FRMD8: variants seen among roughly 807,000 people sequenced by gnomAD.
FRMD8 encodes FERM domain containing 8, also known as FERM domain-containing protein 8.
Under a neutral mutation model 54.2 loss-of-function variants are expected in FRMD8, and 37 were observed. The observed-to-expected ratio is 0.68, with a 90% confidence interval of 0.53 to 0.90. The LOEUF is 0.90. FRMD8 is among the 40% of genes least tolerant of loss of function. FRMD8 has a pLI of 0.00. For missense variants in FRMD8, 585 were observed against 653.7 expected (o/e 0.89, Z 1.15); for synonymous variants, 246 against 286.9 (o/e 0.86, Z 1.44).
At chr11:65,390,605 A>AG (rs1565597632) in intron 3 of FRMD8, among the ~76,000 whole-genome samples, 1 of 142,544 alleles carries the variant, frequency 7.0e-6, no homozygotes, top group African/African-American at 2.7e-5. Context: ...TGCTGCTGGG[A>AG]GGTGCCCGCC....
At chr11:65,405,728 A>C (rs564781954) in intron 10 of FRMD8, among the ~76,000 whole-genome samples, 1 of 152,224 alleles carries the variant, frequency 6.6e-6, no homozygotes, top group Admixed American at 6.5e-5. Flanking sequence ...GGCCGGGTGC[A>C]GTGTCTCACA....
intron 3 of FRMD8, 23 bp downstream of exon 3, chr11:65,389,551 C>G: frequency 1.3e-6 from 2 of 1,548,816 alleles, no homozygotes; most frequent in Non-Finnish European, 1.7e-6. Context: ...AGTGAGGAGC[C>G]CAGGCTGGAG....
rs1483570615 is a variant in FRMD8 at position 65,404,349 on chromosome 11, G to A, written c.1072-515G>A. ...TGCCCAGCTGTGCCCGCTGGCACCCGGCTGCTGCATCTTTTCTGTCAGTGT... is the reference window on the plus strand; with the variant it reads ...TGCCCAGCTGTGCCCGCTGGCACCCAGCTGCTGCATCTTTTCTGTCAGTGT... On this transcript the variant is annotated intron_variant, in intron 9 of 10. Coordinates refer to ENST00000317568, the MANE Select transcript of FRMD8 (RefSeq NM_031904.5). This position sits in a 1 kb window ranked among gnomAD's most constrained non-coding sequence, Gnocchi z 4.7. Among the ~76,000 whole-genome samples, 4 of 152,086 alleles carry A rather than the reference G, an allele frequency of 2.6e-5. No individual in the cohort carries two copies. The highest frequency in any genetic ancestry group is 2.1e-4 in the South Asian group (1 of 4,824).
rs1856065437 is a variant in FRMD8 at position 65,400,999 on chromosome 11, T to G, written c.1071+132T>G. 5 of 1,046,322 alleles carry G rather than the reference T, an allele frequency of 4.8e-6. No individual in the cohort carries two copies. The South Asian group carries it at 8.5e-5, about 18-fold the overall frequency. 64.8% of individuals were successfully genotyped at this position (1,046,322 alleles called of 1,614,324 possible). ...CTTGGGCCTGAGGATGAAAGCGGCC[T>G]GGGCACAAGGGGTGCCTTGAGTCCT... On this transcript the variant is annotated intron_variant, in intron 9 of 10. Transcript: ENST00000317568. The surrounding 1 kb of genome is among the most constrained non-coding windows in gnomAD (Gnocchi z 4.3).
At chr11:65,376,362 C>T in the FRMD8 span, 1 of 1,596,754 alleles carries the variant, frequency 6.3e-7, no homozygotes, top group Non-Finnish European at 8.6e-7. Context: ...AAACTGGCCT[C>T]CAGGCCGTGG....
At chr11:65,369,795 G>C in the FRMD8 span, among the ~76,000 whole-genome samples, 2 of 151,768 alleles carry the variant, frequency 1.3e-5, no homozygotes, top group South Asian at 4.2e-4. Flanking sequence ...CACTTTGGGA[G>C]GCCGAGGCGG....
intron 10 of FRMD8, among the ~76,000 whole-genome samples, chr11:65,409,049 G>A (rs563580901): frequency 6.6e-6 from 1 of 152,112 alleles, no homozygotes; most frequent in East Asian, 1.9e-4. Context: ...CCGAGCCAAA[G>A]GGAACTTGTC....
chr11:65,380,588 C>T, the FRMD8 span: 1 of 1,296,470 alleles, frequency 7.7e-7, no homozygotes, highest in South Asian at 1.2e-5. Flanking sequence ...CGCCGGGATC[C>T]AGAGCAGGCC....
Position 65,405,309 on chromosome 11 carries a change from G to A in FRMD8, c.1276+241G>A, listed in dbSNP as rs58835302. The stretch of plus-strand genomic sequence containing the variant: ...TTGTCCAGGATGTGATCCGGGAAAC[G>A]ACTCAACATCTGTTACTGAAGTGTT... On this transcript the variant is annotated intron_variant, in intron 10 of 10. Coordinates refer to ENST00000317568, the MANE Select transcript of FRMD8 (RefSeq NM_031904.5). Among the ~76,000 whole-genome samples, 722 of 152,312 alleles carry A rather than the reference G, an allele frequency of 4.7e-3. 3 individuals carry two copies. The highest frequency in any genetic ancestry group is 0.016 in the African/African-American group (674 of 41,568).
rs758851952 is a variant in FRMD8 at position 65,399,870 on chromosome 11, C to T, written c.927+11C>T. 1.2e-6 allele frequency: 2 copies of T among 1,608,272 alleles called. No individual in the cohort carries two copies. The highest frequency in any genetic ancestry group is 2.7e-5 in the African/African-American group (2 of 74,846). On this transcript the variant is annotated intron_variant, in intron 8 of 10. Coordinates refer to ENST00000317568, the MANE Select transcript of FRMD8 (RefSeq NM_031904.5). ...GATAGCAGAGAGAAGGTACTGCCCC[C>T]AGCTCCTCCAGGGTGGAGAGGATGG...
At chr11:65,394,892 C>G (rs1284864271) in intron 6 of FRMD8, among the ~76,000 whole-genome samples, 1 of 152,240 alleles carries the variant, frequency 6.6e-6, no homozygotes, top group African/African-American at 2.4e-5. Flanking sequence ...TGAGTCTGCC[C>G]TGCCAAAGCC....
chr11:65,400,394 C>T lies in FRMD8; in HGVS notation c.928-330C>T, dbSNP rs1029945080. Among the ~76,000 whole-genome samples the T allele has an allele frequency of 1.3e-5, 2 of 152,142 alleles. No individual in the cohort carries two copies. Among genetic ancestry groups the T allele is most frequent in the African/African-American group, 4.8e-5 (2 of 41,430 alleles). On this transcript the variant is annotated intron_variant, in intron 8 of 10. Coordinates refer to ENST00000317568, the MANE Select transcript of FRMD8 (RefSeq NM_031904.5). The surrounding 1 kb of genome is among the most constrained non-coding windows in gnomAD (Gnocchi z 4.3). The stretch of plus-strand genomic sequence containing the variant: ...GCCATCTGTGTCCTGGGAGGCAGGG[C>T]CCAGCTCAGCCTCATGCTAGATGCC...
At chr11:65,377,735 G>A in the FRMD8 span, 1 of 152,824 alleles carries the variant, frequency 6.5e-6, no homozygotes, top group Non-Finnish European at 1.5e-5. Context: ...TGGGGCTGGA[G>A]TCCTGGTGAG....
At chr11:65,393,912 C>A in intron 4 of FRMD8, 129 bp from the exon 5 acceptor site, 1 of 986,564 alleles carries the variant, frequency 1.0e-6, no homozygotes, top group Non-Finnish European at 1.6e-6. Context: ...CACACTCCAC[C>A]CTCTGCACGG....
At chr11:65,387,503 C>G (rs920925799) in intron 2 of FRMD8, among the ~76,000 whole-genome samples, 1 of 152,014 alleles carries the variant, frequency 6.6e-6, no homozygotes, top group African/African-American at 2.4e-5. Context: ...GAAAGTGACA[C>G]GTTCACTTTC....
At chr11:65,381,773 G>A (rs944939674), upstream of FRMD8, 2 of 999,628 alleles carry the variant, frequency 2.0e-6, no homozygotes. Flanking sequence ...GCCCAGACTG[G>A]TCTCAAACTC....
At position 65,396,824 on chromosome 11, in the gene FRMD8, G is replaced by T. The variant is rs1213881430; in HGVS notation, c.607G>T (p.Ala203Ser). 2 of 1,555,326 alleles carry T rather than the reference G, an allele frequency of 1.3e-6. No homozygotes were observed. Among genetic ancestry groups the T allele is most frequent in the African/African-American group, 2.8e-5 (2 of 72,142 alleles). The change falls in exon 7 of 11, where the codon GCC becomes TCC. Residue 203 changes from alanine to serine, a missense_variant. By Grantham distance (99) the Ala-to-Ser change is moderately conservative. Transcript: ENST00000317568. ...GGAGAAGCTGGACTCCTTCCTCCCTGCCCACCTCTGTAAGCGGGGCCAGAG... is the reference window on the plus strand; with the variant it reads ...GGAGAAGCTGGACTCCTTCCTCCCTTCCCACCTCTGTAAGCGGGGCCAGAG... ...LREKLDSFLP[A>S]HLCKRGQSLF... is the part of the protein sequence containing the mutation.
rs534780583 is a variant in FRMD8, at chr11:65,401,158, C to T, written c.1071+291C>T. Among the ~76,000 whole-genome samples, 7 of 152,204 alleles carry T rather than the reference C, an allele frequency of 4.6e-5. No individual in the cohort carries two copies. In the South Asian group the frequency reaches 1.2e-3, roughly 27 times the overall value. ...GTGCTTTGAGACCAGCCTGCACCCT[C>T]CCCTCCTGTCCCCAAGACCAGTGCT... On this transcript the variant is annotated intron_variant, in intron 9 of 10. Coordinates refer to ENST00000317568, the MANE Select transcript of FRMD8 (RefSeq NM_031904.5).
chr11:65,402,625 C>T (rs1177137357), intron 9 of FRMD8, among the ~76,000 whole-genome samples: 1 of 152,036 alleles, frequency 6.6e-6, no homozygotes, highest in Non-Finnish European at 1.5e-5. Flanking sequence ...CTCCGCTATC[C>T]ACCCCCCAAA....
Sources: allele counts gnomAD v4.1 joint callset (sites outside exome capture counted in the v4.1 genomes callset), GRCh38; gene constraint gnomAD v4.1.1; non-coding constraint Gnocchi (gnomAD v3.1); transcripts MANE v1.5; gene names NCBI Gene and HGNC (gene_info 2026-07-23, HGNC 2026-07-21).